FAR2: variants seen among roughly 807,000 people sequenced by gnomAD.
FAR2 encodes fatty acyl-CoA reductase 2.
A neutral mutation model predicts 56.0 loss-of-function variants in FAR2; 19 were observed. That is an observed-to-expected ratio of 0.34 (90% CI 0.24 to 0.50). FAR2 has a LOEUF of 0.50. FAR2 is among the 20% of genes least tolerant of loss of function. The probability of loss-of-function intolerance (pLI) is 0.98; values close to 1 mark genes in which losing one functional copy is unlikely to be tolerated. For missense variants in FAR2, 508 were observed against 642.2 expected (o/e 0.79, Z 2.26); for synonymous variants, 219 against 218.8 (o/e 1.00, Z -0.01).
chr12:29,264,114 A>T (rs1948471369), intron 1 of FAR2, among the ~76,000 whole-genome samples: 1 of 152,168 alleles, frequency 6.6e-6, no homozygotes, highest in Admixed American at 6.5e-5. Flanking sequence ...CATTAAAAAG[A>T]TCATTCACCA....
chr12:29,331,380 C>T (rs1185577202), intron 10 of FAR2: 1 of 152,008 alleles, frequency 6.6e-6, no homozygotes, highest in Non-Finnish European at 1.5e-5. Flanking sequence ...AGCACAAGTC[C>T]ATTTTCCAGG....
chr12:29,198,359 G>T (rs931824860), intron 1 of FAR2, among the ~76,000 whole-genome samples: 1 of 152,074 alleles, frequency 6.6e-6, no homozygotes. Context: ...CTCCGGAGTA[G>T]CTGGGACTAC....
intron 1 of FAR2, among the ~76,000 whole-genome samples, chr12:29,209,959 C>A (rs1201644250): frequency 6.6e-6 from 1 of 152,110 alleles, no homozygotes; most frequent in Non-Finnish European, 1.5e-5. Context: ...GTAATTCTAG[C>A]ACTTTGGGAA....
chr12:29,328,659 G>C (rs1434726320), intron 10 of FAR2, among the ~76,000 whole-genome samples: 1 of 148,278 alleles, frequency 6.7e-6, no homozygotes, highest in Non-Finnish European at 1.5e-5. Flanking sequence ...ACCAAACACC[G>C]CATGTTCTCA....
At chr12:29,245,868 C>G (rs768633127) in intron 1 of FAR2, among the ~76,000 whole-genome samples, 1 of 152,062 alleles carries the variant, frequency 6.6e-6, no homozygotes, top group Non-Finnish European at 1.5e-5. Context: ...ACATCACTAC[C>G]CCAAATACCT....
At chr12:29,266,293 G>A (rs1187652132) in intron 1 of FAR2, among the ~76,000 whole-genome samples, 2 of 152,126 alleles carry the variant, frequency 1.3e-5, no homozygotes, top group African/African-American at 2.4e-5. Context: ...TAAAGAAAAT[G>A]TGGTAAATAT....
At chr12:29,267,937 G>A (rs915052563) in intron 1 of FAR2, among the ~76,000 whole-genome samples, 1 of 152,190 alleles carries the variant, frequency 6.6e-6, no homozygotes, top group Non-Finnish European at 1.5e-5. Context: ...CCCTGCTAGA[G>A]TGACAGCAAG....
At chr12:29,292,156 T>C (rs1030594915) in intron 2 of FAR2, 3 of 152,184 alleles carry the variant, frequency 2.0e-5, no homozygotes, top group Non-Finnish European at 4.4e-5. Flanking sequence ...AGCAGTAACT[T>C]CTGTCTTTTA....
At chr12:29,333,445 T>G in intron 11 of FAR2, 187 bp from the exon 12 acceptor site, 1 of 559,512 alleles carries the variant, frequency 1.8e-6, no homozygotes, top group South Asian at 2.7e-5. Context: ...ATGGTAGAAA[T>G]CTGACTATTC....
intron 1 of FAR2, chr12:29,223,772 G>A (rs2136641905): frequency 6.6e-6 from 1 of 152,308 alleles, no homozygotes; most frequent in African/African-American, 2.4e-5. Flanking sequence ...TGCTGGTCTT[G>A]GGATACTGTG....
chr12:29,157,102 C>G (rs1949733860), intron 1 of FAR2: 1 of 58,426 alleles, frequency 1.7e-5, no homozygotes, highest in African/African-American at 6.7e-5. Context: ...AAGCAAAGAA[C>G]ATTTTATATA....
chr12:29,165,418 G>A (rs1437563868), intron 1 of FAR2, among the ~76,000 whole-genome samples: 1 of 152,176 alleles, frequency 6.6e-6, no homozygotes, highest in Non-Finnish European at 1.5e-5. Context: ...GATCACAGAC[G>A]AGGAAAATTA....
At chr12:29,238,460 A>T (rs1189100840) in intron 1 of FAR2, among the ~76,000 whole-genome samples, 1 of 152,118 alleles carries the variant, frequency 6.6e-6, no homozygotes, top group African/African-American at 2.4e-5. Context: ...TAAATAATAA[A>T]TAAATATTTT....
intron 4 of FAR2, among the ~76,000 whole-genome samples, chr12:29,305,028 C>G (rs1949233366): frequency 6.6e-6 from 1 of 152,208 alleles, no homozygotes; most frequent in African/African-American, 2.4e-5. Flanking sequence ...GTTTATTACA[C>G]TAATCTCCTC....
In FAR2 at chr12:29,287,629, T is replaced by G. The variant is rs79258188; in HGVS notation, c.190-5671T>G. Among the ~76,000 whole-genome samples, 32 of 149,136 alleles carry G rather than the reference T, an allele frequency of 2.1e-4. No homozygotes were observed. The East Asian group carries it at 5.2e-3, about 24-fold the overall frequency. ...TTACTCATTTATTTTCCAAAAAAAA[T>G]TAAGCAAATTTTGGTGGGTTATTGG... On this transcript the variant is annotated intron_variant, in intron 2 of 11. Coordinates refer to ENST00000536681, the MANE Select transcript of FAR2 (RefSeq NM_001271783.2).
intron 1 of FAR2, among the ~76,000 whole-genome samples, chr12:29,195,206 A>G (rs1226548258): frequency 6.6e-6 from 1 of 152,194 alleles, no homozygotes. Flanking sequence ...GGGTGTCAAT[A>G]CATCTTTTTT....
chr12:29,322,011 A>G (rs1949560930), intron 10 of FAR2, 87 bp downstream of exon 10: 4 of 1,460,020 alleles, frequency 2.7e-6, no homozygotes, highest in Non-Finnish European at 3.7e-6. Context: ...ATGAATGAAT[A>G]AGACGTTTGG....
intron 1 of FAR2, among the ~76,000 whole-genome samples, chr12:29,187,709 G>A (rs2136603908): frequency 6.6e-6 from 1 of 152,274 alleles, no homozygotes; most frequent in Non-Finnish European, 1.5e-5. Flanking sequence ...AGAGAGTTGT[G>A]TAATCTGGAC....
chr12:29,203,999 C>CAAAAAAAAAAAA (rs34399942), intron 1 of FAR2, among the ~76,000 whole-genome samples: 6 of 68,104 alleles, frequency 8.8e-5, no homozygotes, highest in Admixed American at 2.4e-4. Context: ...GATTCCATCT[C>CAAAAAAAAAAAA]AAAAAAAAAA....
Sources: gnomAD v4.1 joint callset for allele counts (sites outside exome capture counted in the v4.1 genomes callset) on GRCh38, gnomAD v4.1.1 for gene constraint, MANE v1.5 for transcripts, NCBI Gene and HGNC (gene_info 2026-07-23, HGNC 2026-07-21) for gene names.